Variants in PXDNL observed in about 807,000 individuals in gnomAD.
PXDNL encodes the protein probable oxidoreductase PXDNL.
A neutral mutation model predicts 150.8 loss-of-function variants in PXDNL; 145 were observed. That is an observed-to-expected ratio of 0.96 (90% confidence interval 0.84 to 1.10). PXDNL has a LOEUF of 1.10. PXDNL is among the 50% of genes least tolerant of loss of function. The pLI is 0.00. For missense variants in PXDNL, 2,087 were observed against 1,873.9 expected (o/e 1.11, Z -2.10); for synonymous variants, 757 against 725.7 (o/e 1.04, Z -0.69).
chr8:51,593,963 T>C (rs1813505504), intron 2 of PXDNL, among the ~76,000 whole-genome samples: 2 of 152,218 alleles, frequency 1.3e-5, no homozygotes, highest in Non-Finnish European at 2.9e-5. Context: ...GCAATATAAC[T>C]AGTTAATGTG....
At chr8:51,591,654 T>G (rs955794619) in intron 3 of PXDNL, among the ~76,000 whole-genome samples, 4 of 152,186 alleles carry the variant, frequency 2.6e-5, no homozygotes, top group African/African-American at 4.8e-5. Flanking sequence ...AGTCTCACTT[T>G]GTTGGCCAGG....
chr8:51,378,545 C>A (rs59882925), intron 17 of PXDNL, among the ~76,000 whole-genome samples: 4,113 of 152,330 alleles, frequency 0.027, 173 homozygotes, highest in African/African-American at 0.094. Flanking sequence ...CCCCAGCCAG[C>A]AGTGGCAATC....
At chr8:51,722,774 G>A (rs551913848) in intron 1 of PXDNL, among the ~76,000 whole-genome samples, 97 of 152,254 alleles carry the variant, frequency 6.4e-4, no homozygotes, top group Non-Finnish European at 1.1e-3. Flanking sequence ...ATGGAGCCTG[G>A]GGTTTGGGGT....
intron 20 of PXDNL, among the ~76,000 whole-genome samples, chr8:51,342,878 T>TAA (rs1806030811): frequency 1.3e-5 from 1 of 79,920 alleles, no homozygotes; most frequent in Non-Finnish European, 2.3e-5. Context: ...TGATTAAGAT[T>TAA]CAAAAAAAAA....
At chr8:51,342,097 T>G (rs972026) in intron 20 of PXDNL, among the ~76,000 whole-genome samples, 32,795 of 152,086 alleles carry the variant, frequency 0.22, 3,680 homozygotes, top group Middle Eastern at 0.3. Flanking sequence ...TATTGTACAC[T>G]GACAAATGTG....
chr8:51,406,444 C>A (rs1808437000), intron 17 of PXDNL, among the ~76,000 whole-genome samples: 1 of 152,160 alleles, frequency 6.6e-6, no homozygotes, highest in Admixed American at 6.5e-5. Context: ...AGGGAAGAGT[C>A]TCTCTTCAGG....
At chr8:51,468,411 T>C (rs573882271) in intron 8 of PXDNL, among the ~76,000 whole-genome samples, 4 of 152,100 alleles carry the variant, frequency 2.6e-5, no homozygotes, top group Non-Finnish European at 1.5e-5. Flanking sequence ...ATAATAGTCT[T>C]ACATCATCCT....
chr8:51,803,887 T>C (rs540363100), intron 1 of PXDNL, among the ~76,000 whole-genome samples: 2 of 152,314 alleles, frequency 1.3e-5, no homozygotes, highest in Non-Finnish European at 2.9e-5. Flanking sequence ...ATCTCCCTCC[T>C]GAGCTTATAT....
chr8:51,700,487 A>G (rs1251025696), intron 1 of PXDNL, among the ~76,000 whole-genome samples: 1 of 151,970 alleles, frequency 6.6e-6, no homozygotes, highest in African/African-American at 2.4e-5. Context: ...ATACACACAT[A>G]TACATATATA....
chr8:51,439,415 TA>T (rs969828959), intron 12 of PXDNL, among the ~76,000 whole-genome samples: 1 of 151,682 alleles, frequency 6.6e-6, no homozygotes, highest in Non-Finnish European at 1.5e-5. Flanking sequence ...ATCAAAAAAA[TA>T]AAAAAATAAT....
chr8:51,654,406 A>G (rs1485296862), intron 2 of PXDNL, among the ~76,000 whole-genome samples: 1 of 152,192 alleles, frequency 6.6e-6, no homozygotes, highest in Non-Finnish European at 1.5e-5. Flanking sequence ...ACTCATAGAC[A>G]AGTTACTTAA....
chr8:51,499,726 A>G lies in PXDNL; in HGVS notation c.425T>C (p.Phe142Ser), dbSNP rs1472921423. The G allele has an allele frequency of 1.9e-6, 3 of 1,613,586 alleles. No homozygotes were observed. The highest frequency in any genetic ancestry group is 2.7e-5 in the African/African-American group (2 of 75,036). ...NQLEMLQPET[F>S]GDLLRLERLF... The stretch of plus-strand genomic sequence containing the variant: ...TCGCTCTAATCTCAGAAGGTCTCCA[A>G]AGGTCTCTGGCTGTAGCATTTCTAG... Residue 142 changes from phenylalanine (F) to serine (S), a missense_variant, in exon 5 of 23, where the codon TTT becomes TCT. Transcript: ENST00000356297.
chr8:51,545,979 T>C (rs1812352993), intron 4 of PXDNL, among the ~76,000 whole-genome samples: 1 of 152,072 alleles, frequency 6.6e-6, no homozygotes, highest in Non-Finnish European at 1.5e-5. Flanking sequence ...CATGGGTGGG[T>C]AGGGAGGATG....
At chr8:51,567,134 A>G (rs1249152621) in intron 3 of PXDNL, among the ~76,000 whole-genome samples, 1 of 151,760 alleles carries the variant, frequency 6.6e-6, no homozygotes, top group Non-Finnish European at 1.5e-5. Context: ...TTGTGGTTTG[A>G]GAACATACTT....
chr8:51,477,844 T>C (rs529435303), intron 6 of PXDNL, among the ~76,000 whole-genome samples: 3 of 152,152 alleles, frequency 2.0e-5, no homozygotes, highest in Non-Finnish European at 4.4e-5. Flanking sequence ...TGCTTATGTG[T>C]TTTGGTAATA....
intron 4 of PXDNL, among the ~76,000 whole-genome samples, chr8:51,535,605 A>G (rs12541129): frequency 0.2 from 26,407 of 132,222 alleles, 2,847 homozygotes; most frequent in Admixed American, 0.29. Context: ...TCCTCTGCCT[A>G]GGAAAACCAG....
At chr8:51,349,982 A>G (rs1226034596) in intron 19 of PXDNL, among the ~76,000 whole-genome samples, 1 of 152,204 alleles carries the variant, frequency 6.6e-6, no homozygotes, top group African/African-American at 2.4e-5. Context: ...TTTGAGGGAC[A>G]CTTTGAGAAT....
intron 15 of PXDNL, 64 bp from the exon 16 acceptor site, chr8:51,411,471 A>G (rs1341518618): frequency 7.9e-6 from 11 of 1,397,214 alleles, no homozygotes; most frequent in African/African-American, 1.5e-5. Flanking sequence ...AAGCTTGCAA[A>G]TACTGTGCAT....
intron 3 of PXDNL, among the ~76,000 whole-genome samples, chr8:51,584,966 A>G (rs924356785): frequency 3.9e-5 from 6 of 152,150 alleles, no homozygotes; most frequent in Admixed American, 3.3e-4. Context: ...AGGCAGCACA[A>G]TGCGGGTAGA....
Sources: allele counts gnomAD v4.1 joint callset (sites outside exome capture counted in the v4.1 genomes callset), GRCh38; gene constraint gnomAD v4.1.1; transcripts MANE v1.5; gene names NCBI Gene and HGNC (gene_info 2026-07-23, HGNC 2026-07-21).